GDAP1: variants seen among roughly 807,000 people sequenced by gnomAD.
GDAP1 encodes the protein ganglioside-induced differentiation-associated protein 1.
In GDAP1, 34 loss-of-function variants were observed where a neutral mutation model predicts 40.1. The observed-to-expected ratio is 0.85, with a 90% confidence interval of 0.64 to 1.13. The LOEUF (loss-of-function observed/expected upper bound fraction) is 1.13, where lower values mean the gene tolerates loss of function less well. Ranked by LOEUF, GDAP1 falls within the 50% of genes most tolerant of loss-of-function variation. The pLI, the probability that GDAP1 is intolerant of heterozygous loss-of-function variation, is 0.00. For missense variants in GDAP1, 374 were observed against 433.7 expected (o/e 0.86, Z 1.22); for synonymous variants, 170 against 157.4 (o/e 1.08, Z -0.60).
intron 2 of GDAP1, among the ~76,000 whole-genome samples, chr8:74,374,099 G>T (rs915754452): frequency 1.3e-5 from 2 of 152,152 alleles, no homozygotes; most frequent in African/African-American, 4.8e-5. Context: ...GCATCCCAGG[G>T]ATGAAGACCA....
At position 74,366,740 on chromosome 8, in the gene GDAP1, C is replaced by T. The variant is rs957234155; in HGVS notation, c.*2373C>T. ...ATTGCGGATAGTCATAAATTGCTTGCTCAATTTTTAGTAATTATTGCTGTT... is the reference window on the plus strand; with the variant it reads ...ATTGCGGATAGTCATAAATTGCTTGTTCAATTTTTAGTAATTATTGCTGTT... On this transcript the variant is annotated 3_prime_UTR_variant, in exon 6 of 6. Transcript: ENST00000220822. 2.2e-6 allele frequency: 1 copy of T among 453,310 alleles called. No individual in the cohort carries two copies. Among genetic ancestry groups the T allele is most frequent in the East Asian group, 6.9e-5 (1 of 14,390 alleles). 28.1% of individuals were successfully genotyped at this position (453,310 alleles called of 1,614,324 possible).
intron 2 of GDAP1, among the ~76,000 whole-genome samples, chr8:74,444,364 A>T (rs1365498916): frequency 6.6e-6 from 1 of 152,112 alleles, no homozygotes; most frequent in Non-Finnish European, 1.5e-5. Flanking sequence ...AATTGCCAGA[A>T]AATTTCTTGA....
chr8:74,418,021 A>T (rs1326476479), intron 2 of GDAP1, among the ~76,000 whole-genome samples: 1 of 152,232 alleles, frequency 6.6e-6, no homozygotes, highest in Non-Finnish European at 1.5e-5. Context: ...CAAATTGCTG[A>T]TGAAAGAAAT....
chr8:74,426,305 T>C (rs1183414828), intron 2 of GDAP1, among the ~76,000 whole-genome samples: 1 of 152,250 alleles, frequency 6.6e-6, no homozygotes, highest in East Asian at 1.9e-4. Context: ...ATAGTACTGG[T>C]AACTAAAGTG....
intron 2 of GDAP1, among the ~76,000 whole-genome samples, chr8:74,412,590 G>T (rs759798565): frequency 6.7e-5 from 10 of 149,894 alleles, no homozygotes. Context: ...AATAATAGAC[G>T]CAAAGTATTA....
At chr8:74,382,763 T>C (rs1809973217) in intron 2 of GDAP1, among the ~76,000 whole-genome samples, 1 of 152,132 alleles carries the variant, frequency 6.6e-6, no homozygotes, top group Non-Finnish European at 1.5e-5. Flanking sequence ...ATTTTTTTTC[T>C]GTATAGAATT....
At chr8:74,450,462 C>CT (rs1172008042) in intron 2 of GDAP1, among the ~76,000 whole-genome samples, 2 of 151,666 alleles carry the variant, frequency 1.3e-5, no homozygotes, top group African/African-American at 2.4e-5. Flanking sequence ...TGAATGTGAT[C>CT]TTTTTTGTCC....
chr8:74,487,287 A>G (rs1806787914), intron 2 of GDAP1, among the ~76,000 whole-genome samples: 1 of 152,190 alleles, frequency 6.6e-6, no homozygotes, highest in Non-Finnish European at 1.5e-5. Flanking sequence ...AGGAAGATGA[A>G]TGCAAGCCCC....
chr8:74,441,587 A>G (rs1374049966), intron 2 of GDAP1, among the ~76,000 whole-genome samples: 1 of 152,216 alleles, frequency 6.6e-6, no homozygotes, highest in African/African-American at 2.4e-5. Flanking sequence ...CAAAATTGGC[A>G]TAAACTTTGT....
chr8:74,432,228 T>A (rs1806037088), intron 2 of GDAP1, among the ~76,000 whole-genome samples: 1 of 152,180 alleles, frequency 6.6e-6, no homozygotes, highest in Non-Finnish European at 1.5e-5. Flanking sequence ...GCAATATCCC[T>A]TAGGGCCTTG....
intron 2 of GDAP1, among the ~76,000 whole-genome samples, chr8:74,481,964 G>C (rs1806716865): frequency 6.6e-6 from 1 of 152,112 alleles, no homozygotes. Flanking sequence ...TCTTTAGCAG[G>C]GGAGGAGTCT....
At position 74,350,458 on chromosome 8, in the gene GDAP1, C is replaced by G. The variant is rs760495614; in HGVS notation, c.-4C>G. 79 of 1,593,450 alleles carry G rather than the reference C, an allele frequency of 5.0e-5. No individual in the cohort carries two copies. The highest frequency in any genetic ancestry group is 6.8e-5 in the Non-Finnish European group (79 of 1,162,612). On this transcript the variant is annotated 5_prime_UTR_variant, in exon 1 of 6. Transcript: ENST00000220822. ...TGGGCGCACCCGTGCTCGCGCACCC[C>G]AAGATGGCTGAGAGGCAGGAAGAGC...
At chr8:74,351,593 CT>C in intron 2 of GDAP1, 127 bp downstream of exon 2, 2 of 822,026 alleles carry the variant, frequency 2.4e-6, no homozygotes, top group Non-Finnish European at 4.3e-6. Context: ...GATTAAAAAC[CT>C]TTTCCATTTC....
At chr8:74,469,439 A>G (rs931936111) in intron 2 of GDAP1, among the ~76,000 whole-genome samples, 4 of 149,928 alleles carry the variant, frequency 2.7e-5, no homozygotes, top group African/African-American at 9.8e-5. Context: ...GAGGCCGAGG[A>G]GGGCGGATCA....
chr8:74,426,552 C>G (rs528175073), intron 2 of GDAP1, among the ~76,000 whole-genome samples: 1 of 152,330 alleles, frequency 6.6e-6, no homozygotes, highest in East Asian at 1.9e-4. Context: ...TCTTGTAGAA[C>G]TGTTCCACGT....
chr8:74,460,469 TA>T (rs1365435040), intron 2 of GDAP1, among the ~76,000 whole-genome samples: 1 of 152,216 alleles, frequency 6.6e-6, no homozygotes, highest in Non-Finnish European at 1.5e-5. Flanking sequence ...CCAATTTTAC[TA>T]AAACATATGT....
At chr8:74,379,039 T>G (rs1264784035) in intron 2 of GDAP1, among the ~76,000 whole-genome samples, 1 of 152,212 alleles carries the variant, frequency 6.6e-6, no homozygotes, top group East Asian at 1.9e-4. Flanking sequence ...CTTGGCCCTA[T>G]GGACTCTTAC....
intron 2 of GDAP1, among the ~76,000 whole-genome samples, chr8:74,389,823 A>G (rs1414597993): frequency 2.0e-5 from 3 of 152,150 alleles, no homozygotes; most frequent in African/African-American, 7.2e-5. Context: ...AATCAATTGT[A>G]GGTTTCATCT....
At chr8:74,432,324 T>C (rs940716417) in intron 2 of GDAP1, among the ~76,000 whole-genome samples, 2 of 152,222 alleles carry the variant, frequency 1.3e-5, no homozygotes, top group Non-Finnish European at 2.9e-5. Flanking sequence ...GATGTATTTC[T>C]AGCACTAGCA....
Sources: gnomAD v4.1 joint callset for allele counts (sites outside exome capture counted in the v4.1 genomes callset) on GRCh38, gnomAD v4.1.1 for gene constraint, MANE v1.5 for transcripts, NCBI Gene and HGNC (gene_info 2026-07-23, HGNC 2026-07-21) for gene names.